The following SH3GLB1 variants were observed in gnomAD, a reference collection of about 807,000 sequenced individuals.
SH3GLB1 encodes the protein endophilin-B1.
Under a neutral mutation model 42.0 loss-of-function variants are expected in SH3GLB1, and 17 were observed. The observed-to-expected ratio is 0.40, with a 90% CI of 0.28 to 0.61. The LOEUF (loss-of-function observed/expected upper bound fraction) is 0.61. Among genes scored for constraint, SH3GLB1 ranks in the 20% least tolerant of loss-of-function variants. SH3GLB1 has a pLI of 0.36. For synonymous variants in SH3GLB1, 132 were observed against 146.6 expected (o/e 0.90, Z 0.72); for missense variants, 355 against 426.3 (o/e 0.83, Z 1.47).
At chr1:86,725,222 A>T (rs1655132191) in intron 5 of SH3GLB1, among the ~76,000 whole-genome samples, 1 of 151,714 alleles carries the variant, frequency 6.6e-6, no homozygotes, top group Non-Finnish European at 1.5e-5. Flanking sequence ...CCCTTTCCAC[A>T]CACTGCTCAA....
rs935706975 is a variant in SH3GLB1 at position 86,747,283 on chromosome 1, A to C, written c.*4048A>C. 2 of 152,640 alleles carry C rather than the reference A, an allele frequency of 1.3e-5. No homozygotes were observed. Among genetic ancestry groups the C allele is most frequent in the African/African-American group, 4.8e-5 (2 of 41,456 alleles). The allele number at this position is 152,640 out of a possible 1,614,324, so 9.5% of individuals were successfully genotyped here. ...TATGAACTCAATAAATTTTTGTTGA[A>C]TGAAAGAAAAATGCAAATTTATAAG... On this transcript the variant is annotated 3_prime_UTR_variant, in exon 9 of 9. Transcript: ENST00000370558.
rs143931318 is a variant in SH3GLB1, at chr1:86,736,534, A to G, written c.761+1355A>G. Reference sequence around the variant, plus strand: ...CAGAACAGCACTTTATCTTCACATCATTATAACTATTTTAAGCCCAAGAAG... The same window carrying G: ...CAGAACAGCACTTTATCTTCACATCGTTATAACTATTTTAAGCCCAAGAAG... On this transcript the variant is annotated intron_variant, in intron 7 of 8. Transcript: ENST00000370558. Among the ~76,000 whole-genome samples the G allele has an allele frequency of 1.8e-3, 267 of 152,310 alleles. 4 individuals are homozygous for G. Among genetic ancestry groups the G allele is most frequent in the Non-Finnish European group, 2.2e-3 (150 of 68,030 alleles).
In SH3GLB1 at chr1:86,704,821, G is replaced by T. The variant is rs948802479; in HGVS notation, c.-79G>T. On this transcript the variant is annotated 5_prime_UTR_variant, in exon 1 of 9. Transcript: ENST00000370558. The stretch of plus-strand genomic sequence containing the variant: ...TACCACGTCTGCCCTCGCCGCTCTA[G>T]CCCTGCGCCCCAGCCCGGCCGCGGC... 7 of 932,670 alleles carry T rather than the reference G, an allele frequency of 7.5e-6. No individual in the cohort carries two copies. Among genetic ancestry groups the T allele is most frequent in the African/African-American group, 5.2e-5 (3 of 57,518 alleles). The allele number at this position is 932,670 out of a possible 1,614,324, so 57.8% of individuals were successfully genotyped here.
At chr1:86,717,481 G>A (rs563124860) in intron 2 of SH3GLB1, among the ~76,000 whole-genome samples, 61 of 152,078 alleles carry the variant, frequency 4.0e-4, no homozygotes, top group African/African-American at 1.4e-3. Flanking sequence ...GTGCAGTGGT[G>A]TGATCTTGGT....
chr1:86,723,748 A>C (rs1293828197), intron 4 of SH3GLB1, among the ~76,000 whole-genome samples: 1 of 152,240 alleles, frequency 6.6e-6, no homozygotes, highest in Admixed American at 6.5e-5. Context: ...TGACACATTA[A>C]GTGCAGCCCA....
intron 5 of SH3GLB1, among the ~76,000 whole-genome samples, chr1:86,726,709 A>G (rs1226899036): frequency 6.6e-6 from 1 of 151,968 alleles, no homozygotes; most frequent in Non-Finnish European, 1.5e-5. Context: ...TTTTTCTTCA[A>G]ACTTTATAGC....
At chr1:86,716,259 T>C (rs1654524885) in intron 2 of SH3GLB1, among the ~76,000 whole-genome samples, 1 of 120,288 alleles carries the variant, frequency 8.3e-6, no homozygotes, top group Non-Finnish European at 1.7e-5. Flanking sequence ...GGTGTGTTTT[T>C]TTGTTTGTTT....
chr1:86,728,587 A>G (rs1655329905), intron 5 of SH3GLB1: 4 of 589,972 alleles, frequency 6.8e-6, no homozygotes, highest in African/African-American at 3.9e-5. Flanking sequence ...CCATGTATTC[A>G]TTTATCTTTA....
At chr1:86,724,884 A>ATATATATATATAT (rs1436043734) in intron 5 of SH3GLB1, among the ~76,000 whole-genome samples, 17 of 104,296 alleles carry the variant, frequency 1.6e-4, no homozygotes, top group African/African-American at 8.5e-4. Context: ...TAAAAAAAAA[A>ATATATATATATAT]AAAAAAAAAT....
intron 7 of SH3GLB1, among the ~76,000 whole-genome samples, chr1:86,741,154 A>G (rs1398912184): frequency 1.3e-5 from 2 of 152,166 alleles, no homozygotes; most frequent in Non-Finnish European, 2.9e-5. Context: ...ATAAAAGAGG[A>G]GTATGGGAGA....
At chr1:86,721,171 T>TTA (rs1654838648) in intron 3 of SH3GLB1, among the ~76,000 whole-genome samples, 1 of 152,184 alleles carries the variant, frequency 6.6e-6, no homozygotes, top group South Asian at 2.1e-4. Context: ...GAATGTACCC[T>TTA]GGTTATTAGA....
chr1:86,741,028 A>T (rs910427895), intron 7 of SH3GLB1, among the ~76,000 whole-genome samples: 1 of 152,170 alleles, frequency 6.6e-6, no homozygotes, highest in African/African-American at 2.4e-5. Context: ...GGAAAAGATG[A>T]TGTGCTATAG....
At chr1:86,742,093 C>G (rs1471748556) in intron 7 of SH3GLB1, 115 bp from the exon 8 acceptor site, 1 of 688,988 alleles carries the variant, frequency 1.5e-6, no homozygotes, top group African/African-American at 1.8e-5. Context: ...TTATTAATAT[C>G]TATAAATCTT....
intron 7 of SH3GLB1, among the ~76,000 whole-genome samples, chr1:86,737,061 C>T (rs181110846): frequency 5.9e-5 from 9 of 152,292 alleles, no homozygotes; most frequent in Admixed American, 2.6e-4. Flanking sequence ...CTTCCAGACA[C>T]CTCATGTGTA....
intron 4 of SH3GLB1, 23 bp from the exon 5 acceptor site, chr1:86,724,290 T>A (rs1390082641): frequency 3.3e-6 from 5 of 1,517,336 alleles, no homozygotes; most frequent in Non-Finnish European, 4.5e-6. Flanking sequence ...TTAGCCCTTA[T>A]TTTTTCTTTT....
chr1:86,743,070 T>C, intron 8 of SH3GLB1, 58 bp from the exon 9 acceptor site: 2 of 1,330,518 alleles, frequency 1.5e-6, no homozygotes, highest in Non-Finnish European at 2.1e-6. Flanking sequence ...ATCTGATTGG[T>C]TTTCTACTTG....
chr1:86,716,519 G>A (rs551218432), intron 2 of SH3GLB1, among the ~76,000 whole-genome samples: 6 of 152,172 alleles, frequency 3.9e-5, no homozygotes, highest in South Asian at 4.1e-4. Context: ...TCCTGACCTC[G>A]TGATCCACCT....
intron 5 of SH3GLB1, chr1:86,734,232 A>T (rs1411698300): frequency 1.3e-5 from 2 of 158,546 alleles, no homozygotes; most frequent in Non-Finnish European, 2.8e-5. Context: ...ATATTACTTT[A>T]TACTTGTAAA....
rs552288728 is a variant in SH3GLB1, at chr1:86,745,607, G to A, written c.*2372G>A. 1 of 152,310 alleles carries A rather than the reference G, an allele frequency of 6.6e-6. No homozygotes were observed. The highest frequency in any genetic ancestry group is 1.5e-5 in the Non-Finnish European group (1 of 68,032). 9.4% of individuals were successfully genotyped at this position (152,310 alleles called of 1,614,324 possible). ...GTAATGTACAGAAACCTTCAATAATGTTAAGCTTCAAAGGCTTCTGGTACG... is the reference window on the plus strand; with the variant it reads ...GTAATGTACAGAAACCTTCAATAATATTAAGCTTCAAAGGCTTCTGGTACG... On this transcript the variant is annotated 3_prime_UTR_variant, in exon 9 of 9. Coordinates refer to ENST00000370558, the MANE Select transcript of SH3GLB1 (RefSeq NM_016009.5).
Sources: gnomAD v4.1 joint callset for allele counts (sites outside exome capture counted in the v4.1 genomes callset) on GRCh38, gnomAD v4.1.1 for gene constraint, MANE v1.5 for transcripts, NCBI Gene and HGNC (gene_info 2026-07-23, HGNC 2026-07-21) for gene names.